Variants in ZNF385D observed in about 807,000 individuals in gnomAD.
ZNF385D encodes zinc finger protein 385D.
ZNF385D carries 15 observed loss-of-function variants against 35.8 expected under a neutral mutation model. The ratio of observed to expected loss-of-function variants is 0.42; its 90% CI spans 0.28 to 0.64. ZNF385D has a LOEUF of 0.64. ZNF385D is among the 30% of genes least tolerant of loss of function. ZNF385D has a pLI of 0.23. For synonymous variants in ZNF385D, 212 were observed against 186.8 expected, an observed-to-expected ratio of 1.13 and a Z score of -1.10; for missense variants, 474 against 494.6, an observed-to-expected ratio of 0.96 and a Z score of 0.39.
chr3:21,453,815 T>A (rs952156342), intron 4 of ZNF385D, among the ~76,000 whole-genome samples: 2 of 151,978 alleles, frequency 1.3e-5, no homozygotes, highest in Admixed American at 6.6e-5. Context: ...TCTCAAAAAG[T>A]TAAATACAAA....
At chr3:22,327,292 G>T (rs1172219447) in intron 2 of ZNF385D, among the ~76,000 whole-genome samples, 1 of 152,062 alleles carries the variant, frequency 6.6e-6, no homozygotes, top group Non-Finnish European at 1.5e-5. Context: ...AGAGTAAAAA[G>T]AATATTTTGG....
intron 3 of ZNF385D, among the ~76,000 whole-genome samples, chr3:21,984,021 T>C (rs113156716): frequency 2.9e-4 from 40 of 138,392 alleles, no homozygotes; most frequent in African/African-American, 1.1e-3. Context: ...TGTTTGTTTT[T>C]TTCTTGTAAA....
chr3:21,728,912 T>G (rs1048550996), intron 1 of ZNF385D, among the ~76,000 whole-genome samples: 1 of 152,230 alleles, frequency 6.6e-6, no homozygotes, highest in Non-Finnish European at 1.5e-5. Context: ...GTAAATTATT[T>G]GAGCACAGCT....
intron 2 of ZNF385D, among the ~76,000 whole-genome samples, chr3:21,623,356 G>GT (rs1053384544): frequency 4.6e-5 from 7 of 151,948 alleles, no homozygotes; most frequent in African/African-American, 9.7e-5. Context: ...ATTTGTTTTT[G>GT]TTTTTTTCTG....
At chr3:22,329,076 CAAAA>C (rs776193960) in intron 2 of ZNF385D, among the ~76,000 whole-genome samples, 1 of 74,902 alleles carries the variant, frequency 1.3e-5, no homozygotes, top group Non-Finnish European at 2.5e-5. Flanking sequence ...GACTCCGTCT[CAAAA>C]AAAAAAAAAA....
intron 3 of ZNF385D, among the ~76,000 whole-genome samples, chr3:21,927,923 A>T (rs2125238965): frequency 6.6e-6 from 1 of 152,302 alleles, no homozygotes; most frequent in South Asian, 2.1e-4. Flanking sequence ...GTAAGGAGAT[A>T]GAATACTGAA....
intron 3 of ZNF385D, among the ~76,000 whole-genome samples, chr3:22,162,970 G>A (rs979205491): frequency 2.0e-5 from 3 of 152,160 alleles, no homozygotes; most frequent in Admixed American, 2.0e-4. Flanking sequence ...AGAAAAGCAG[G>A]ACATAGTAGA....
intron 3 of ZNF385D, among the ~76,000 whole-genome samples, chr3:21,879,500 T>G (rs1358407267): frequency 2.0e-5 from 3 of 152,012 alleles, no homozygotes; most frequent in African/African-American, 7.2e-5. Flanking sequence ...TAGGCTTTTG[T>G]GTATTAGCTG....
chr3:21,769,162 G>A (rs1179501239), intron 3 of ZNF385D, among the ~76,000 whole-genome samples: 1 of 151,996 alleles, frequency 6.6e-6, no homozygotes, highest in Non-Finnish European at 1.5e-5. Flanking sequence ...CATTCCCTTT[G>A]AAAACTGGCA....
chr3:22,041,395 G>T (rs1028404936), intron 3 of ZNF385D, among the ~76,000 whole-genome samples: 3 of 151,978 alleles, frequency 2.0e-5, no homozygotes, highest in Admixed American at 2.0e-4. Context: ...GGAGAACTGG[G>T]GTAATACAAA....
At chr3:21,746,793 G>A (rs962316155) in intron 1 of ZNF385D, among the ~76,000 whole-genome samples, 1 of 152,142 alleles carries the variant, frequency 6.6e-6, no homozygotes, top group African/African-American at 2.4e-5. Flanking sequence ...AAAAAGGAAT[G>A]TTTTTCTCTG....
At chr3:22,321,657 AC>A (rs1191997014) in intron 2 of ZNF385D, among the ~76,000 whole-genome samples, 1 of 152,002 alleles carries the variant, frequency 6.6e-6, no homozygotes, top group African/African-American at 2.4e-5. Context: ...GAGCCACCGC[AC>A]CCGGCTCAGT....
At chr3:22,173,921 G>C (rs1233299792) in intron 2 of ZNF385D, among the ~76,000 whole-genome samples, 2 of 151,878 alleles carry the variant, frequency 1.3e-5, no homozygotes, top group African/African-American at 4.8e-5. Flanking sequence ...TTTTCCTTCT[G>C]AATAACTGGG....
chr3:22,218,812 A>G (rs912394825), intron 2 of ZNF385D, among the ~76,000 whole-genome samples: 1 of 152,006 alleles, frequency 6.6e-6, no homozygotes, highest in African/African-American at 2.4e-5. Context: ...TAATGTATAT[A>G]TTTTGTCCAG....
At chr3:22,182,710 G>C (rs1445904398) in intron 2 of ZNF385D, among the ~76,000 whole-genome samples, 1 of 152,028 alleles carries the variant, frequency 6.6e-6, no homozygotes, top group Non-Finnish European at 1.5e-5. Flanking sequence ...TTGAAAGATT[G>C]TTTAATAAGT....
intron 3 of ZNF385D, among the ~76,000 whole-genome samples, chr3:21,767,263 T>C (rs1389001202): frequency 6.6e-6 from 1 of 152,102 alleles, no homozygotes; most frequent in Non-Finnish European, 1.5e-5. Context: ...TGTGTAATCA[T>C]CCTACAAAAT....
At chr3:21,878,870 T>C (rs1698121163) in intron 3 of ZNF385D, among the ~76,000 whole-genome samples, 1 of 152,084 alleles carries the variant, frequency 6.6e-6, no homozygotes, top group African/African-American at 2.4e-5. Context: ...CATTTGAAGT[T>C]CTTTTTTGCA....
chr3:21,867,794 G>A (rs1697453951), intron 3 of ZNF385D, among the ~76,000 whole-genome samples: 1 of 150,950 alleles, frequency 6.6e-6, no homozygotes, highest in African/African-American at 2.4e-5. Context: ...GAGACCTTAA[G>A]CCAGAGCTGT....
At chr3:21,664,826 C>CT (rs1450812939) in intron 2 of ZNF385D, 60 bp downstream of exon 2, 1 of 1,610,058 alleles carries the variant, frequency 6.2e-7, no homozygotes, top group African/African-American at 1.3e-5. Context: ...CAACCCTGGC[C>CT]TTTAAGTTAG....
Sources: allele counts gnomAD v4.1 joint callset (sites outside exome capture counted in the v4.1 genomes callset), GRCh38; gene constraint gnomAD v4.1.1; transcripts MANE v1.5; gene names NCBI Gene and HGNC (gene_info 2026-07-23, HGNC 2026-07-21).